Variants in SEPTIN9 observed in about 807,000 individuals in gnomAD.
SEPTIN9 encodes the protein septin 9.
Under a neutral mutation model 56.6 loss-of-function variants are expected in SEPTIN9, and 13 were observed. That is an observed-to-expected ratio of 0.23 (90% CI 0.15 to 0.37). SEPTIN9 has a LOEUF of 0.37. Among genes scored for constraint, SEPTIN9 ranks in the 10% least tolerant of loss-of-function variants. SEPTIN9 has a pLI of 1.00. For missense variants in SEPTIN9, 650 were observed against 823.1 expected, an observed-to-expected ratio of 0.79 and a Z score of 2.57; for synonymous variants, 332 against 334.1, an observed-to-expected ratio of 0.99 and a Z score of 0.07.
At chr17:77,396,454 C>T (rs755580666) in intron 2 of SEPTIN9, among the ~76,000 whole-genome samples, 4 of 152,164 alleles carry the variant, frequency 2.6e-5, no homozygotes. Context: ...AATGTGGATA[C>T]CCCTTGGCTG....
In SEPTIN9 at chr17:77,490,998, G is replaced by A. The variant is rs536356871; in HGVS notation, c.1380+139G>A. ...GGTCACTCTCCCCAGCGGGTGGCTG[G>A]CCTGGTGGTCCCTGGCCCAGGTGGC... On this transcript the variant is annotated intron_variant, in intron 8 of 11. Coordinates refer to ENST00000427177, the MANE Select transcript of SEPTIN9 (RefSeq NM_001113491.2). 8.0e-5 allele frequency: 58 copies of A among 720,612 alleles called. No homozygotes were observed. The African/African-American group carries it at 9.2e-4, about 11-fold the overall frequency. The allele number at this position is 720,612 out of a possible 1,614,324, so 44.6% of individuals were successfully genotyped here. A position where few individuals can be genotyped will look rare whatever the true frequency, so the allele number is the denominator to read the frequency against.
chr17:77,333,815 T>A (rs905756724), intron 2 of SEPTIN9, among the ~76,000 whole-genome samples: 27 of 152,176 alleles, frequency 1.8e-4, no homozygotes, highest in African/African-American at 6.3e-4. Flanking sequence ...CATTTTTTTT[T>A]AAAGCTTTTA....
At chr17:77,481,847 G>C (rs1444006044) in intron 3 of SEPTIN9, 19 of 459,312 alleles carry the variant, frequency 4.1e-5, no homozygotes, top group Non-Finnish European at 7.1e-5. Flanking sequence ...AGCGCAGGGG[G>C]CCCCCAGCTT....
At chr17:77,469,649 G>A (rs1374980556) in intron 3 of SEPTIN9, 1 of 152,322 alleles carries the variant, frequency 6.6e-6, no homozygotes, top group South Asian at 2.1e-4. Context: ...CTCAAGGTGT[G>A]ACCAGGTAGC....
chr17:77,450,294 C>T lies in SEPTIN9; in HGVS notation c.722-31850C>T, dbSNP rs962147208. ...TCACCCCCAGCCACGTGTGGGGGTG[C>T]GGGATGGGAAAGGTAAGAGTGTGTG... On this transcript the variant is annotated intron_variant, in intron 3 of 11. Coordinates refer to ENST00000427177, the MANE Select transcript of SEPTIN9 (RefSeq NM_001113491.2). The surrounding 1 kb of genome is among the most constrained non-coding windows in gnomAD (Gnocchi z 6.0). Among the ~76,000 whole-genome samples the T allele has an allele frequency of 3.3e-5, 5 of 152,034 alleles. No individual in the cohort carries two copies. Among genetic ancestry groups the T allele is most frequent in the Admixed American group, 1.3e-4 (2 of 15,272 alleles).
At chr17:77,365,049 C>G (rs1036202527) in intron 2 of SEPTIN9, among the ~76,000 whole-genome samples, 2 of 152,200 alleles carry the variant, frequency 1.3e-5, no homozygotes, top group Admixed American at 1.3e-4. Flanking sequence ...ATGTCCCCAG[C>G]CCTTATGTGG....
chr17:77,407,929 C>G (rs1192283548), intron 3 of SEPTIN9, among the ~76,000 whole-genome samples: 1 of 152,200 alleles, frequency 6.6e-6, no homozygotes, highest in Non-Finnish European at 1.5e-5. Flanking sequence ...GGCTGCAGCA[C>G]CCAGTACTGA....
chr17:77,457,766 C>G (rs923236144), intron 3 of SEPTIN9, among the ~76,000 whole-genome samples: 4 of 152,264 alleles, frequency 2.6e-5, no homozygotes, highest in Non-Finnish European at 5.9e-5. Context: ...CCACAGTTTA[C>G]TCTGGACCGG....
At chr17:77,406,157 C>T (rs7219282) in intron 3 of SEPTIN9, among the ~76,000 whole-genome samples, 11,401 of 152,226 alleles carry the variant, frequency 0.075, 1,331 homozygotes, top group African/African-American at 0.25. Flanking sequence ...GATCTCTTCC[C>T]GTGCTGAGCC....
At chr17:77,370,007 C>A (rs904476424) in intron 2 of SEPTIN9, among the ~76,000 whole-genome samples, 1 of 152,230 alleles carries the variant, frequency 6.6e-6, no homozygotes, top group Admixed American at 6.5e-5. Flanking sequence ...TCCCCATCCC[C>A]CTTCCCTTGG....
rs1028882954 is a variant in SEPTIN9 at position 77,435,631 on chromosome 17, A to T, written c.721+32928A>T. On this transcript the variant is annotated intron_variant, in intron 3 of 11. Coordinates refer to ENST00000427177, the MANE Select transcript of SEPTIN9 (RefSeq NM_001113491.2). This position sits in a 1 kb window ranked among gnomAD's most constrained non-coding sequence, Gnocchi z 4.5. ...CACATGTCACTCCCAAAGGATGTTGACACAGAATGAAGCAGCTAGGGGAGG... is the reference window on the plus strand; with the variant it reads ...CACATGTCACTCCCAAAGGATGTTGTCACAGAATGAAGCAGCTAGGGGAGG... Among the ~76,000 whole-genome samples the T allele has an allele frequency of 1.2e-4, 19 of 152,230 alleles. No homozygotes were observed. Among genetic ancestry groups the T allele is most frequent in the African/African-American group, 4.6e-4 (19 of 41,460 alleles).
intron 3 of SEPTIN9, among the ~76,000 whole-genome samples, chr17:77,458,762 A>T (rs1339451724): frequency 6.6e-6 from 1 of 152,128 alleles, no homozygotes; most frequent in Non-Finnish European, 1.5e-5. Flanking sequence ...GGCATTCCTG[A>T]AGTTTCTGAT....
chr17:77,334,128 T>A (rs9896100), intron 2 of SEPTIN9, among the ~76,000 whole-genome samples: 20,760 of 150,298 alleles, frequency 0.14, 1,831 homozygotes, highest in African/African-American at 0.23. Flanking sequence ...GGGTCTCATT[T>A]AAAAAAAAAA....
chr17:77,398,604 T>C (rs1446708579), intron 2 of SEPTIN9, among the ~76,000 whole-genome samples: 1 of 152,194 alleles, frequency 6.6e-6, no homozygotes, highest in Non-Finnish European at 1.5e-5. Flanking sequence ...CGGGACATGG[T>C]TTCCTTGGGG....
intron 3 of SEPTIN9, among the ~76,000 whole-genome samples, chr17:77,418,587 C>T (rs577609941): frequency 2.0e-5 from 3 of 152,344 alleles, no homozygotes; most frequent in Non-Finnish European, 4.4e-5. Flanking sequence ...AAGTGATCTG[C>T]CCACCTCGGC....
intron 3 of SEPTIN9, among the ~76,000 whole-genome samples, chr17:77,448,638 A>G (rs957603984): frequency 1.3e-5 from 2 of 152,146 alleles, no homozygotes; most frequent in African/African-American, 2.4e-5. Context: ...GAGTCCTAGC[A>G]AGGGGGAAAG....
intron 4 of SEPTIN9, chr17:77,483,251 C>G (rs189744681): frequency 6.5e-6 from 1 of 153,294 alleles, no homozygotes; most frequent in African/African-American, 2.4e-5. Flanking sequence ...CCACACCTGC[C>G]AGCCCGACAC....
rs114376629 is a variant in SEPTIN9 at position 77,451,277 on chromosome 17, G to T, written c.722-30867G>T. 2.2e-5 allele frequency: 17 copies of T among 783,662 alleles called. No individual in the cohort carries two copies. The highest frequency in any genetic ancestry group is 2.6e-5 in the Non-Finnish European group (17 of 645,388). The allele number at this position is 783,662 out of a possible 1,614,324, so 48.5% of individuals were successfully genotyped here. A position where few individuals can be genotyped will look rare whatever the true frequency, so the allele number is the denominator to read the frequency against. ...AGGTTGCTTCTGCGCCGGGCCTGCC[G>T]CTGGGCGCCCCTATCTCTGCCTGCC... On this transcript the variant is annotated intron_variant, in intron 3 of 11. Transcript: ENST00000427177. The surrounding 1 kb of genome is among the most constrained non-coding windows in gnomAD (Gnocchi z 4.2).
In SEPTIN9 at chr17:77,405,653, G is replaced by A. The variant is rs2036043145; in HGVS notation, c.721+2950G>A. On this transcript the variant is annotated intron_variant, in intron 3 of 11. Coordinates refer to ENST00000427177, the MANE Select transcript of SEPTIN9 (RefSeq NM_001113491.2). This position sits in a 1 kb window ranked among gnomAD's most constrained non-coding sequence, Gnocchi z 5.8. Reference sequence around the variant, plus strand: ...CAGACGAGGGCAGGGCCTTCCCAATGGAGGAGTGCTCTTGAAATCCGATGG... The same window carrying A: ...CAGACGAGGGCAGGGCCTTCCCAATAGAGGAGTGCTCTTGAAATCCGATGG... Among the ~76,000 whole-genome samples the A allele has an allele frequency of 6.6e-6, 1 of 152,026 alleles. No homozygotes were observed.
Sources: gnomAD v4.1 joint callset for allele counts (sites outside exome capture counted in the v4.1 genomes callset) on GRCh38, gnomAD v4.1.1 for gene constraint, Gnocchi (gnomAD v3.1) non-coding constraint, MANE v1.5 for transcripts, NCBI Gene and HGNC (gene_info 2026-07-23, HGNC 2026-07-21) for gene names.